KCNQ5: variants seen among roughly 807,000 people sequenced by gnomAD.
The protein encoded by KCNQ5 is potassium voltage-gated channel subfamily Q member 5.
Under a neutral mutation model 98.2 loss-of-function variants are expected in KCNQ5, and 30 were observed. That is an observed-to-expected ratio of 0.31 (90% CI 0.23 to 0.41). The LOEUF (loss-of-function observed/expected upper bound fraction) is 0.41, where lower values mean the gene tolerates loss of function less well. Among genes scored for constraint, KCNQ5 ranks in the 10% least tolerant of loss-of-function variants. The pLI is 1.00. For synonymous variants in KCNQ5, 458 were observed against 449.4 expected (o/e 1.02, Z -0.24); for missense variants, 835 against 1,182.5 (o/e 0.71, Z 4.31).
At chr6:72,988,764 C>T (rs1250106479) in intron 1 of KCNQ5, among the ~76,000 whole-genome samples, 149 of 111,836 alleles carry the variant, frequency 1.3e-3, no homozygotes, top group African/African-American at 4.9e-3. Flanking sequence ...ACTAATGTGT[C>T]ATCTAGCATT....
chr6:73,041,167 C>G (rs1481300695), intron 2 of KCNQ5, among the ~76,000 whole-genome samples: 1 of 152,142 alleles, frequency 6.6e-6, no homozygotes, highest in Non-Finnish European at 1.5e-5. Context: ...TTTACAAATT[C>G]CATTTGGTTT....
At chr6:72,745,491 A>G (rs1215217852) in intron 1 of KCNQ5, among the ~76,000 whole-genome samples, 1 of 152,200 alleles carries the variant, frequency 6.6e-6, no homozygotes, top group Non-Finnish European at 1.5e-5. Flanking sequence ...GCAACTTTTC[A>G]TTCTTTTTCC....
At chr6:72,973,275 A>C (rs1767988739) in intron 1 of KCNQ5, among the ~76,000 whole-genome samples, 1 of 149,042 alleles carries the variant, frequency 6.7e-6, no homozygotes, top group African/African-American at 2.5e-5. Flanking sequence ...AGTCATGGGA[A>C]ATCTTTGCAC....
chr6:73,080,244 G>C (rs534195996), intron 5 of KCNQ5, among the ~76,000 whole-genome samples: 1 of 152,140 alleles, frequency 6.6e-6, no homozygotes, highest in African/African-American at 2.4e-5. Context: ...TTTCAGTTCT[G>C]CTAATTTGAC....
intron 10 of KCNQ5, among the ~76,000 whole-genome samples, chr6:73,144,869 A>T (rs747469031): frequency 1.3e-5 from 2 of 152,026 alleles, no homozygotes; most frequent in Non-Finnish European, 2.9e-5. Context: ...TGATATCTGA[A>T]GGCCTCTTGA....
chr6:72,838,808 G>A (rs1776638050), intron 1 of KCNQ5, among the ~76,000 whole-genome samples: 3 of 150,814 alleles, frequency 2.0e-5, no homozygotes, highest in Admixed American at 6.6e-5. Context: ...AAATTAGCCG[G>A]GCGTGGTAGC....
chr6:73,130,929 C>T (rs1035506421), intron 9 of KCNQ5, among the ~76,000 whole-genome samples: 3 of 151,908 alleles, frequency 2.0e-5, no homozygotes, highest in African/African-American at 7.3e-5. Flanking sequence ...TGTAATATGC[C>T]GAGTTTATTT....
intron 1 of KCNQ5, among the ~76,000 whole-genome samples, chr6:72,803,311 A>G (rs1471886878): frequency 6.6e-6 from 1 of 152,198 alleles, no homozygotes; most frequent in Non-Finnish European, 1.5e-5. Context: ...GGCTGCGAAC[A>G]GATAGTTAAT....
At chr6:72,906,176 G>A (rs560473416) in intron 1 of KCNQ5, among the ~76,000 whole-genome samples, 2 of 152,036 alleles carry the variant, frequency 1.3e-5, no homozygotes, top group South Asian at 4.2e-4. Context: ...CAGGGAAGTG[G>A]GGGAAAGCCT....
intron 1 of KCNQ5, among the ~76,000 whole-genome samples, chr6:72,643,657 CCT>C (rs1488535349): frequency 6.6e-6 from 1 of 151,852 alleles, no homozygotes; most frequent in Admixed American, 6.6e-5. Flanking sequence ...TCAAAAAAAA[CCT>C]GGAGAGGCCA....
intron 1 of KCNQ5, among the ~76,000 whole-genome samples, chr6:72,848,416 C>T (rs926267989): frequency 3.5e-4 from 53 of 152,140 alleles, no homozygotes; most frequent in African/African-American, 1.0e-3. Flanking sequence ...ATAAAGTTTA[C>T]GCATGACAAG....
At chr6:72,730,700 A>G (rs1770512090) in intron 1 of KCNQ5, among the ~76,000 whole-genome samples, 2 of 152,144 alleles carry the variant, frequency 1.3e-5, no homozygotes, top group Non-Finnish European at 2.9e-5. Flanking sequence ...GCTTCATATC[A>G]TTTTAATTAC....
intron 1 of KCNQ5, among the ~76,000 whole-genome samples, chr6:72,768,024 C>T (rs1772667926): frequency 6.6e-6 from 1 of 151,992 alleles, no homozygotes; most frequent in Non-Finnish European, 1.5e-5. Context: ...CATATGTCCA[C>T]ACAAAAACTT....
chr6:72,702,911 T>A (rs999392787), intron 1 of KCNQ5, among the ~76,000 whole-genome samples: 3 of 152,218 alleles, frequency 2.0e-5, no homozygotes, highest in African/African-American at 4.8e-5. Flanking sequence ...ACTTTACTAA[T>A]CTTTATCTTC....
At chr6:72,695,214 A>G (rs1035653974) in intron 1 of KCNQ5, among the ~76,000 whole-genome samples, 2 of 152,302 alleles carry the variant, frequency 1.3e-5, no homozygotes, top group East Asian at 1.9e-4. Context: ...TGCCGTCAAG[A>G]TATTTGTACA....
rs1166017002 is a variant in KCNQ5 at position 73,197,691 on chromosome 6, C to G, written c.*2277C>G. The G allele has an allele frequency of 6.6e-6, 1 of 152,218 alleles. No individual in the cohort carries two copies. Among genetic ancestry groups the G allele is most frequent in the African/African-American group, 2.4e-5 (1 of 41,138 alleles). The allele number at this position is 152,218 out of a possible 1,614,324, so 9.4% of individuals were successfully genotyped here. A position where few individuals can be genotyped will look rare whatever the true frequency, so the allele number is the denominator to read the frequency against. On this transcript the variant is annotated 3_prime_UTR_variant, in exon 14 of 14. Transcript: ENST00000370398. ...CACCTGCCGTGACTGGGCAGGCTCT[C>G]TCCCATTATTAACAGAGGAAGAGGA...
chr6:73,077,950 G>T, intron 5 of KCNQ5, 63 bp downstream of exon 5: 1 of 1,329,830 alleles, frequency 7.5e-7, no homozygotes, highest in African/African-American at 1.5e-5. Flanking sequence ...TTAATACAAC[G>T]TAATGGTTCC....
At chr6:72,976,344 G>C (rs908439700) in intron 1 of KCNQ5, among the ~76,000 whole-genome samples, 1 of 152,126 alleles carries the variant, frequency 6.6e-6, no homozygotes, top group Non-Finnish European at 1.5e-5. Context: ...TTCAACCTTT[G>C]TCATAGCTCA....
intron 1 of KCNQ5, among the ~76,000 whole-genome samples, chr6:72,633,692 T>C (rs1454677694): frequency 1.3e-5 from 2 of 152,086 alleles, no homozygotes; most frequent in Admixed American, 1.3e-4. Flanking sequence ...AACAGACACA[T>C]AGATCAATGG....
Sources: allele counts gnomAD v4.1 joint callset (sites outside exome capture counted in the v4.1 genomes callset), GRCh38; gene constraint gnomAD v4.1.1; transcripts MANE v1.5; gene names NCBI Gene and HGNC (gene_info 2026-07-23, HGNC 2026-07-21).